Variants in SORCS2 observed in about 807,000 individuals in gnomAD.
SORCS2 encodes sortilin related VPS10 domain containing receptor 2.
A neutral mutation model predicts 141.6 loss-of-function variants in SORCS2; 100 were observed. The ratio of observed to expected loss-of-function variants is 0.71; its 90% CI spans 0.60 to 0.83. The LOEUF (loss-of-function observed/expected upper bound fraction) is 0.83, where lower values mean the gene tolerates loss of function less well. SORCS2 is among the 40% of genes least tolerant of loss of function. The pLI is 0.00. For synonymous variants in SORCS2, 789 were observed against 676.9 expected (o/e 1.17, Z -2.57); for missense variants, 1,646 against 1,560.2 (o/e 1.05, Z -0.93).
Position 7,270,297 on chromosome 4 carries a change from G to A in SORCS2, c.480+77171G>A, listed in dbSNP as rs189476500. Among the ~76,000 whole-genome samples, 12 of 152,370 alleles carry A rather than the reference G, an allele frequency of 7.9e-5. No individual in the cohort carries two copies. The East Asian group carries it at 1.7e-3, about 22-fold the overall frequency. On this transcript the variant is annotated intron_variant, in intron 1 of 26. Transcript: ENST00000507866. ...CAGCACGCGTGTGGGTGCAGCACCC[G>A]CCAGTGTGCTGCGTTCCAGAAATAA...
chr4:7,326,009 G>A (rs567333510), intron 1 of SORCS2, among the ~76,000 whole-genome samples: 13 of 152,232 alleles, frequency 8.5e-5, no homozygotes, highest in Admixed American at 1.3e-4. Flanking sequence ...CATGGGAAGG[G>A]TCTTTGATGT....
At chr4:7,377,811 A>G (rs535250335) in intron 1 of SORCS2, among the ~76,000 whole-genome samples, 6 of 152,272 alleles carry the variant, frequency 3.9e-5, no homozygotes, top group South Asian at 4.2e-4. Context: ...CTTCTATTTG[A>G]TATACTTAAG....
At chr4:7,253,734 G>T (rs987629982) in intron 1 of SORCS2, among the ~76,000 whole-genome samples, 1 of 152,198 alleles carries the variant, frequency 6.6e-6, no homozygotes. Flanking sequence ...GGATGTGCTG[G>T]CAAGGCAGCC....
chr4:7,414,519 G>A (rs1349880794), intron 2 of SORCS2, among the ~76,000 whole-genome samples: 3 of 152,118 alleles, frequency 2.0e-5, no homozygotes, highest in East Asian at 3.8e-4. Context: ...TTATTAAGCC[G>A]GCGGCCAAAG....
intron 3 of SORCS2, among the ~76,000 whole-genome samples, chr4:7,553,304 T>C (rs1713857744): frequency 1.3e-5 from 2 of 151,580 alleles, no homozygotes; most frequent in African/African-American, 4.9e-5. Flanking sequence ...TCTTTAATTA[T>C]GAGAGGGGGG....
At chr4:7,282,914 A>C (rs985313163) in intron 1 of SORCS2, among the ~76,000 whole-genome samples, 17 of 152,128 alleles carry the variant, frequency 1.1e-4, no homozygotes, top group African/African-American at 3.9e-4. Flanking sequence ...TGGGGAGGGA[A>C]ATCTAGGTAA....
At chr4:7,454,622 G>A (rs1196025054) in intron 2 of SORCS2, among the ~76,000 whole-genome samples, 2 of 132,726 alleles carry the variant, frequency 1.5e-5, no homozygotes, top group Non-Finnish European at 3.2e-5. Context: ...GTGTGTTGGG[G>A]TCAGGTGCTG....
At chr4:7,343,585 A>G (rs570463896) in intron 1 of SORCS2, among the ~76,000 whole-genome samples, 1 of 152,322 alleles carries the variant, frequency 6.6e-6, no homozygotes, top group South Asian at 2.1e-4. Flanking sequence ...TCAGCCACTG[A>G]GAGCTCAGGC....
intron 3 of SORCS2, among the ~76,000 whole-genome samples, chr4:7,601,544 A>G (rs1316904653): frequency 1.4e-5 from 2 of 146,704 alleles, no homozygotes; most frequent in Non-Finnish European, 3.0e-5. Context: ...GCTTTAGCTA[A>G]GGAGCCACAG....
At chr4:7,419,096 G>T (rs1474193712) in intron 2 of SORCS2, among the ~76,000 whole-genome samples, 1 of 152,220 alleles carries the variant, frequency 6.6e-6, no homozygotes, top group Non-Finnish European at 1.5e-5. Context: ...TATTCAAAAA[G>T]TGGGGAAATA....
chr4:7,540,031 G>A (rs1712472186), intron 3 of SORCS2, among the ~76,000 whole-genome samples: 1 of 110,258 alleles, frequency 9.1e-6, no homozygotes, highest in African/African-American at 3.6e-5. Context: ...CCCCCTTTCT[G>A]CTGTGGAGGC....
intron 1 of SORCS2, among the ~76,000 whole-genome samples, chr4:7,226,817 ACCGCCGGGAAGCACCAGG>A (rs1553811330): frequency 6.6e-6 from 1 of 152,098 alleles, no homozygotes; most frequent in Non-Finnish European, 1.5e-5. Context: ...ATCTTCAAGC[ACCGCCGGGAAGCACCAGG>A]GCGTGGCCTG....
At chr4:7,729,447 C>A in intron 22 of SORCS2, 140 bp from the exon 23 acceptor site, 1 of 1,169,892 alleles carries the variant, frequency 8.5e-7, no homozygotes, top group Non-Finnish European at 1.2e-6. Flanking sequence ...GGAAGGATCC[C>A]CACGCCATGC....
chr4:7,524,524 C>G (rs1577695235), intron 2 of SORCS2, among the ~76,000 whole-genome samples: 1 of 152,094 alleles, frequency 6.6e-6, no homozygotes, highest in East Asian at 1.9e-4. Context: ...CTGGTTGAGT[C>G]TTGTTGCTTG....
chr4:7,738,947 C>T (rs1422813604), intron 26 of SORCS2, among the ~76,000 whole-genome samples: 1 of 152,142 alleles, frequency 6.6e-6, no homozygotes, highest in Non-Finnish European at 1.5e-5. Context: ...CATCGCCAGC[C>T]CAGGTGTGTT....
chr4:7,241,923 AG>A, intron 1 of SORCS2, among the ~76,000 whole-genome samples: 1 of 152,230 alleles, frequency 6.6e-6, no homozygotes, highest in East Asian at 1.9e-4. Flanking sequence ...CGTGCCTGGC[AG>A]TGGGAGTGCA....
intron 2 of SORCS2, among the ~76,000 whole-genome samples, chr4:7,477,985 G>C (rs909578334): frequency 1.3e-5 from 2 of 152,162 alleles, no homozygotes; most frequent in Admixed American, 1.3e-4. Flanking sequence ...AATGGTGCCT[G>C]GGACATTTCT....
chr4:7,316,741 C>T (rs147690041), intron 1 of SORCS2, among the ~76,000 whole-genome samples: 74 of 152,272 alleles, frequency 4.9e-4, no homozygotes, highest in African/African-American at 1.7e-3. Context: ...AGGCTGAGTT[C>T]TTGTACAGTT....
At chr4:7,364,838 G>C (rs1721784526) in intron 1 of SORCS2, among the ~76,000 whole-genome samples, 1 of 152,236 alleles carries the variant, frequency 6.6e-6, no homozygotes, top group African/African-American at 2.4e-5. Flanking sequence ...ACGGATGACA[G>C]AGCCTGTGTT....
Sources: gnomAD v4.1 joint callset for allele counts (sites outside exome capture counted in the v4.1 genomes callset) on GRCh38, gnomAD v4.1.1 for gene constraint, MANE v1.5 for transcripts, NCBI Gene and HGNC (gene_info 2026-07-23, HGNC 2026-07-21) for gene names.